Variants in CABIN1 observed in about 807,000 individuals in gnomAD.
CABIN1 encodes the protein calcineurin binding protein 1, also known as calcineurin-binding protein cabin-1.
CABIN1 carries 133 observed loss-of-function variants against 227.7 expected under a neutral mutation model. The observed-to-expected ratio is 0.58, with a 90% CI of 0.51 to 0.67. The LOEUF is 0.67. CABIN1 is among the 30% of genes least tolerant of loss of function. CABIN1 has a pLI of 0.00. For missense variants in CABIN1, 2,408 were observed against 2,852.5 expected (o/e 0.84, Z 3.55); for synonymous variants, 1,086 against 1,155.1 (o/e 0.94, Z 1.21).
intron 28 of CABIN1, among the ~76,000 whole-genome samples, chr22:24,122,728 A>G (rs1417402560): frequency 1.3e-5 from 2 of 150,750 alleles, no homozygotes; most frequent in East Asian, 3.9e-4. Context: ...AAAACAAAAA[A>G]CCAAAATGCT....
chr22:24,018,692 G>C (rs1292532049), intron 1 of CABIN1, among the ~76,000 whole-genome samples: 2 of 151,846 alleles, frequency 1.3e-5, no homozygotes, highest in Non-Finnish European at 2.9e-5. Flanking sequence ...TGTACAGTAG[G>C]TTTTAATGTC....
chr22:24,081,108 T>C (rs964783457), intron 19 of CABIN1, among the ~76,000 whole-genome samples: 6 of 152,248 alleles, frequency 3.9e-5, no homozygotes, highest in African/African-American at 1.4e-4. Flanking sequence ...CCAACAAAAC[T>C]TGTGGACGCT....
intron 16 of CABIN1, among the ~76,000 whole-genome samples, chr22:24,070,307 A>G (rs1245466374): frequency 6.6e-6 from 1 of 152,206 alleles, no homozygotes; most frequent in Non-Finnish European, 1.5e-5. Context: ...GAGGAGGCTG[A>G]TAGAGTGATG....
chr22:24,094,251 C>CT (rs764422277), intron 24 of CABIN1, among the ~76,000 whole-genome samples: 1 of 152,212 alleles, frequency 6.6e-6, no homozygotes, highest in Non-Finnish European at 1.5e-5. Context: ...GATGTCAACT[C>CT]TGTTTTTCCT....
rs1414564692 is a variant in CABIN1, at chr22:24,172,009, C to T, written c.6040+14C>T. ...CTCTGGGCCCAGGTGAGTCCCATCC[C>T]AGTCCAGAGCTGGGCCCAGGCCCCT... is the stretch of plus-strand genomic sequence containing the variant. On this transcript the variant is annotated intron_variant, in intron 34 of 36. Transcript: ENST00000263119. 5.6e-6 allele frequency: 9 copies of T among 1,605,552 alleles called. No homozygotes were observed. Among genetic ancestry groups the T allele is most frequent in the African/African-American group, 2.7e-5 (2 of 74,794 alleles).
intron 24 of CABIN1, 180 bp downstream of exon 24, chr22:24,092,023 G>A: frequency 2.8e-6 from 2 of 722,720 alleles, no homozygotes; most frequent in Non-Finnish European, 4.5e-6. Context: ...TTCCCAAGGG[G>A]TGTTTATCAT....
intron 9 of CABIN1, 47 bp downstream of exon 9, chr22:24,055,206 G>C (rs2038693410): frequency 1.3e-6 from 2 of 1,596,206 alleles, no homozygotes; most frequent in Non-Finnish European, 1.7e-6. Flanking sequence ...CCCGTTCACT[G>C]AGCCCAGCAG....
chr22:24,167,837 C>T (rs1367050199), intron 32 of CABIN1, among the ~76,000 whole-genome samples: 1 of 152,148 alleles, frequency 6.6e-6, no homozygotes, highest in Non-Finnish European at 1.5e-5. Flanking sequence ...ATGCATCCTA[C>T]CCCCAACTGC....
intron 8 of CABIN1, among the ~76,000 whole-genome samples, chr22:24,053,732 G>T (rs1262757061): frequency 6.6e-6 from 1 of 152,106 alleles, no homozygotes; most frequent in Non-Finnish European, 1.5e-5. Context: ...CTGGCTCTGT[G>T]CAGGGGACTG....
In CABIN1 at chr22:24,036,168, CA is replaced by C. The variant is rs1351721890; in HGVS notation, c.86del (p.Lys29ArgfsTer53). The C allele has an allele frequency of 6.2e-7, 1 of 1,612,386 alleles. No individual in the cohort carries two copies. Among genetic ancestry groups the C allele is most frequent in the Admixed American group, 1.7e-5 (1 of 60,006 alleles). Reference protein sequence around the residue: ...EGSFKSHKTQTKEAQEAEAFA... With the variant: ...EGSFKSHKTQXKEAQEAEAFA... ...AGCTTTAAAAGTCACAAAACCCAGA[CA>C]AAGGAGGCTCAGGTACGTAATGCGA... On this transcript the variant is annotated frameshift_variant, in exon 3 of 37. Transcript: ENST00000263119. LOFTEE classifies it high-confidence loss of function.
intron 29 of CABIN1, among the ~76,000 whole-genome samples, chr22:24,144,778 G>GGTGTTGCTGTGCTCC (rs1327013363): frequency 6.6e-6 from 1 of 152,254 alleles, no homozygotes. Flanking sequence ...TTTCCTGCCA[G>GGTGTTGCTGTGCTCC]GTGTTGCTGT....
chr22:24,127,108 T>C (rs1329893796), intron 28 of CABIN1, among the ~76,000 whole-genome samples: 10 of 151,738 alleles, frequency 6.6e-5, no homozygotes, highest in Admixed American at 3.9e-4. Context: ...TGGGCTGATA[T>C]GTAAAGAGTG....
intron 1 of CABIN1, chr22:24,011,568 C>A (rs2034813098): frequency 6.6e-6 from 1 of 152,272 alleles, no homozygotes; most frequent in South Asian, 2.1e-4. Flanking sequence ...CTTCATGGCT[C>A]TCGCCGCCGC....
chr22:24,042,818 CTGTGTGTGTG>C (rs56070926), intron 5 of CABIN1, 76 bp from the exon 6 acceptor site: 9,155 of 686,510 alleles, frequency 0.013, 86 homozygotes, highest in African/African-American at 0.058. Context: ...AGAGATCTGA[CTGTGTGTGTG>C]TGTGTGTGTG....
At chr22:24,038,788 T>C (rs1002370534) in intron 4 of CABIN1, among the ~76,000 whole-genome samples, 7 of 152,236 alleles carry the variant, frequency 4.6e-5, no homozygotes, top group Non-Finnish European at 7.3e-5. Flanking sequence ...TAGTGAGGTC[T>C]TGATGGCTCA....
At chr22:24,146,967 C>T (rs2045157173) in intron 29 of CABIN1, among the ~76,000 whole-genome samples, 1 of 152,210 alleles carries the variant, frequency 6.6e-6, no homozygotes, top group African/African-American at 2.4e-5. Flanking sequence ...GAACCCATGT[C>T]CCTTGGGCCA....
intron 15 of CABIN1, among the ~76,000 whole-genome samples, chr22:24,065,764 G>A (rs1031177374): frequency 6.6e-6 from 1 of 152,280 alleles, no homozygotes; most frequent in Non-Finnish European, 1.5e-5. Flanking sequence ...CACCTCGGGA[G>A]GCCGAGGCTG....
intron 33 of CABIN1, among the ~76,000 whole-genome samples, chr22:24,169,726 GGGA>G (rs1214483673): frequency 6.6e-6 from 1 of 152,230 alleles, no homozygotes; most frequent in Non-Finnish European, 1.5e-5. Flanking sequence ...AGGTGGACAT[GGGA>G]GTGGTGATCA....
chr22:24,140,949 C>T (rs1054547263), intron 29 of CABIN1, among the ~76,000 whole-genome samples: 3 of 152,204 alleles, frequency 2.0e-5, no homozygotes, highest in Non-Finnish European at 4.4e-5. Flanking sequence ...GCAGGCACAG[C>T]TCCCAGCCAC....
Sources: gnomAD v4.1 joint callset for allele counts (sites outside exome capture counted in the v4.1 genomes callset) on GRCh38, gnomAD v4.1.1 for gene constraint, MANE v1.5 for transcripts, NCBI Gene and HGNC (gene_info 2026-07-23, HGNC 2026-07-21) for gene names.